EFNA5: variants seen among roughly 807,000 people sequenced by gnomAD.
The protein encoded by EFNA5 is ephrin A5, also known as ephrin-A5.
In EFNA5, 5 loss-of-function variants were observed where a neutral mutation model predicts 22.9. That is an observed-to-expected ratio of 0.22 (90% CI 0.11 to 0.46). The LOEUF is 0.46. EFNA5 is among the 20% of genes least tolerant of loss of function. The pLI is 0.99. For missense variants in EFNA5, 237 were observed against 293.3 expected, an observed-to-expected ratio of 0.81 and a Z score of 1.40; for synonymous variants, 113 against 112.2, an observed-to-expected ratio of 1.01 and a Z score of -0.04.
At position 107,568,434 on chromosome 5, in the gene EFNA5, C is replaced by T. The variant is rs569047643; in HGVS notation, c.125+102055G>A. 1.0e-3 allele frequency among the ~76,000 whole-genome samples: 154 copies of T among 152,278 alleles called. 1 individual carries two copies. The highest frequency in any genetic ancestry group is 3.6e-3 in the African/African-American group (148 of 41,540). On this transcript the variant is annotated intron_variant, in intron 1 of 4. Coordinates refer to ENST00000333274, the MANE Select transcript of EFNA5 (RefSeq NM_001962.3). ...GGCAATTCCTACAGAGAGGACATGCCTAGGCAGGTAGTGGAGGGGAAGCAA... is the reference window on the plus strand; with the variant it reads ...GGCAATTCCTACAGAGAGGACATGCTTAGGCAGGTAGTGGAGGGGAAGCAA...
chr5:107,655,761 C>T (rs1246925876), intron 1 of EFNA5, among the ~76,000 whole-genome samples: 2 of 152,074 alleles, frequency 1.3e-5, no homozygotes, highest in Non-Finnish European at 2.9e-5. Context: ...CCTGACAATG[C>T]TATAGGAAAG....
At chr5:107,439,294 T>G (rs1179295590) in intron 1 of EFNA5, among the ~76,000 whole-genome samples, 1 of 152,148 alleles carries the variant, frequency 6.6e-6, no homozygotes, top group Non-Finnish European at 1.5e-5. Context: ...GAAATCAACT[T>G]CTGCTAGACC....
intron 1 of EFNA5, among the ~76,000 whole-genome samples, chr5:107,523,124 A>G (rs1747628965): frequency 6.6e-6 from 1 of 152,168 alleles, no homozygotes; most frequent in Non-Finnish European, 1.5e-5. Context: ...ACTATGGCCA[A>G]TCTTCACACA....
At chr5:107,503,302 C>T (rs1375428388) in intron 1 of EFNA5, among the ~76,000 whole-genome samples, 1 of 152,184 alleles carries the variant, frequency 6.6e-6, no homozygotes, top group Non-Finnish European at 1.5e-5. Flanking sequence ...ATATGTTTTG[C>T]CCAGTTGCAA....
intron 1 of EFNA5, among the ~76,000 whole-genome samples, chr5:107,642,532 A>C: frequency 6.6e-6 from 1 of 151,906 alleles, no homozygotes; most frequent in Non-Finnish European, 1.5e-5. Flanking sequence ...CCAAAACAAG[A>C]CTTCTTTCCC....
At position 107,377,583 on chromosome 5, in the gene EFNA5, A is replaced by C. The variant is rs1162550345; in HGVS notation, c.*3672T>G. 6.6e-6 allele frequency: 1 copy of C among 152,184 alleles called. No homozygotes were observed. The highest frequency in any genetic ancestry group is 2.4e-5 in the African/African-American group (1 of 41,428). 9.4% of individuals were successfully genotyped at this position (152,184 alleles called of 1,614,324 possible). ...GCCGTTGCTAAGGCACCGGAGAAAA[A>C]CAGAGTCCCTGAAAATCCACAGGTA... is the stretch of plus-strand genomic sequence containing the variant. On this transcript the variant is annotated 3_prime_UTR_variant, in exon 5 of 5. Transcript: ENST00000333274.
At chr5:107,548,818 C>T (rs1748225085) in intron 1 of EFNA5, among the ~76,000 whole-genome samples, 1 of 151,802 alleles carries the variant, frequency 6.6e-6, no homozygotes, top group African/African-American at 2.4e-5. Context: ...AGGACTAGTA[C>T]TCCACCAAGT....
chr5:107,381,336 C>T lies in EFNA5; in HGVS notation c.606G>A (p.Glu202=). The change falls in exon 5 of 5, where the codon GAG becomes GAA. Residue 202 remains glutamate, a synonymous_variant. Coordinates refer to ENST00000333274, the MANE Select transcript of EFNA5 (RefSeq NM_001962.3). ...VHESAEPSRG[E]NAAQTPRIPS... is the part of the protein sequence containing the mutation. The stretch of plus-strand genomic sequence containing the variant: ...GTATCCTTGGTGTTTGTGCCGCGTT[C>T]TCGCCGCGGGATGGCTCGGCTGACT... The T allele has an allele frequency of 6.2e-7, 1 of 1,613,986 alleles. No individual in the cohort carries two copies. Among genetic ancestry groups the T allele is most frequent in the South Asian group, 1.1e-5 (1 of 91,080 alleles).
At chr5:107,464,363 G>A (rs904551737) in intron 1 of EFNA5, among the ~76,000 whole-genome samples, 1 of 152,092 alleles carries the variant, frequency 6.6e-6, no homozygotes, top group Non-Finnish European at 1.5e-5. Flanking sequence ...CCCTGCCCCA[G>A]CCCCAGAATA....
chr5:107,525,375 A>G (rs1192830326), intron 1 of EFNA5, among the ~76,000 whole-genome samples: 1 of 152,116 alleles, frequency 6.6e-6, no homozygotes, highest in African/African-American at 2.4e-5. Context: ...TTCATATGTT[A>G]ATGTAAATGG....
At chr5:107,573,440 T>C (rs1202042700) in intron 1 of EFNA5, among the ~76,000 whole-genome samples, 1 of 151,992 alleles carries the variant, frequency 6.6e-6, no homozygotes, top group Admixed American at 6.6e-5. Context: ...AGTGCTTCTT[T>C]ACTTAATCCT....
At chr5:107,417,384 C>T (rs56001301) in intron 2 of EFNA5, among the ~76,000 whole-genome samples, 2,221 of 152,156 alleles carry the variant, frequency 0.015, 56 homozygotes, top group African/African-American at 0.051. Context: ...ACATAGCATA[C>T]ATATTAAAGT....
At chr5:107,586,707 T>A (rs1749194544) in intron 1 of EFNA5, among the ~76,000 whole-genome samples, 1 of 152,198 alleles carries the variant, frequency 6.6e-6, no homozygotes, top group East Asian at 1.9e-4. Flanking sequence ...AATGTACCAA[T>A]CTTAAAGGAA....
intron 1 of EFNA5, among the ~76,000 whole-genome samples, chr5:107,561,517 T>C (rs542268575): frequency 7.0e-4 from 106 of 152,174 alleles, no homozygotes; most frequent in African/African-American, 2.4e-3. Flanking sequence ...TACAGGAGTG[T>C]GCCACCATGC....
At chr5:107,421,288 A>G (rs1441125464) in intron 2 of EFNA5, among the ~76,000 whole-genome samples, 1 of 152,238 alleles carries the variant, frequency 6.6e-6, no homozygotes, top group East Asian at 1.9e-4. Context: ...TGTCCATAGT[A>G]ACACAGAATG....
chr5:107,652,279 A>C (rs1750749724), intron 1 of EFNA5, among the ~76,000 whole-genome samples: 1 of 152,272 alleles, frequency 6.6e-6, no homozygotes, highest in East Asian at 1.9e-4. Context: ...CCTGTTCCTA[A>C]GGATCCCTGG....
intron 1 of EFNA5, among the ~76,000 whole-genome samples, chr5:107,539,488 T>C (rs1161017703): frequency 6.6e-6 from 1 of 152,162 alleles, no homozygotes; most frequent in Non-Finnish European, 1.5e-5. Flanking sequence ...AGAAAAAGTC[T>C]TGCTCTTTTG....
chr5:107,547,313 A>G (rs533572918), intron 1 of EFNA5, among the ~76,000 whole-genome samples: 420 of 152,270 alleles, frequency 2.8e-3, no homozygotes, highest in Non-Finnish European at 5.0e-3. Context: ...TCCCATCTTC[A>G]TGAGAGATCT....
chr5:107,491,331 C>T (rs1746800595), intron 1 of EFNA5, among the ~76,000 whole-genome samples: 1 of 152,116 alleles, frequency 6.6e-6, no homozygotes, highest in Admixed American at 6.6e-5. Flanking sequence ...CCCTTCCTTC[C>T]ATGGAGTTCC....
Sources: allele counts gnomAD v4.1 joint callset (sites outside exome capture counted in the v4.1 genomes callset), GRCh38; gene constraint gnomAD v4.1.1; transcripts MANE v1.5; gene names NCBI Gene and HGNC (gene_info 2026-07-23, HGNC 2026-07-21).